The following SIGLEC8 variants were observed in gnomAD, a reference collection of about 807,000 sequenced individuals.
SIGLEC8 encodes the protein sialic acid-binding Ig-like lectin 8.
SIGLEC8 carries 32 observed loss-of-function variants against 42.1 expected under a neutral mutation model. The observed-to-expected ratio is 0.76, with a 90% confidence interval of 0.57 to 1.02. The LOEUF (loss-of-function observed/expected upper bound fraction) is 1.02. SIGLEC8 is among the 50% of genes least tolerant of loss of function. The probability of loss-of-function intolerance (pLI) is 0.00; values close to 1 mark genes in which losing one functional copy is unlikely to be tolerated. For synonymous variants in SIGLEC8, 262 were observed against 260.3 expected (o/e 1.01, Z -0.06); for missense variants, 611 against 610.2 (o/e 1.00, Z -0.01).
At chr19:51,457,889 C>T in intron 1 of SIGLEC8, 45 bp downstream of exon 1, 1 of 1,596,782 alleles carries the variant, frequency 6.3e-7, no homozygotes, top group Non-Finnish European at 8.6e-7. Context: ...CCTTTCAGCC[C>T]CTCATGACCT....
In SIGLEC8 at chr19:51,455,589, T is replaced by A. The variant is rs568780682; in HGVS notation, c.880A>T (p.Ser294Cys). The change falls in exon 4 of 7, where the codon AGC becomes TGC. Residue 294 changes from serine (S) to cysteine (C), a missense_variant. By Grantham distance (112) the Ser-to-Cys change is moderately radical. Coordinates refer to ENST00000321424, the MANE Select transcript of SIGLEC8 (RefSeq NM_014442.3). ...AVNSNPPARL[S>C]WTRGSLTLCP... is the part of the protein sequence containing the mutation. ...AGGGTCAGGCTCCCCCGGGTCCAGC[T>A]CAGCCTGGCAGGGGGATTGCTGTTG... The A allele has an allele frequency of 6.2e-7, 1 of 1,614,118 alleles. No homozygotes were observed. The highest frequency in any genetic ancestry group is 1.1e-5 in the South Asian group (1 of 91,072).
chr19:51,456,962 G>A (rs139828346), intron 3 of SIGLEC8, among the ~76,000 whole-genome samples: 10 of 152,284 alleles, frequency 6.6e-5, no homozygotes, highest in African/African-American at 2.2e-4. Flanking sequence ...CTTGCTGTGG[G>A]GCCAAGGAAG....
chr19:51,452,600 G>A lies in SIGLEC8; in HGVS notation c.1279C>T (p.Pro427Ser). Residue 427 changes from proline to serine, a missense_variant, in exon 7 of 7, where the codon CCC becomes TCC. Physicochemically the swap from Pro to Ser is moderately conservative, Grantham distance 74. Coordinates refer to ENST00000321424, the MANE Select transcript of SIGLEC8 (RefSeq NM_014442.3). The stretch of plus-strand genomic sequence containing the variant: ...ACAGCTGGGGGAGGCTTCTTCAGGG[G>A]GTTGCCATCTTTCCAGGATTCAGTC... ...PLTESWKDGN[P>S]LKKPPPAVAP... The A allele has an allele frequency of 6.4e-7, 1 of 1,558,380 alleles. No homozygotes were observed. Among genetic ancestry groups the A allele is most frequent in the Non-Finnish European group, 8.7e-7 (1 of 1,147,842 alleles).
In SIGLEC8 at chr19:51,452,481, A is replaced by G; in HGVS notation, c.1398T>C (p.Thr466=). The change falls in exon 7 of 7, where the codon ACT becomes ACC. Residue 466 remains threonine, a synonymous_variant. Transcript: ENST00000321424. The stretch of plus-strand genomic sequence containing the variant: ...TCTTGATCTCCGAGTATTCACTGTC[A>G]GTGGCCTCCTGTCCCTGCGGGTCCT... The part of the protein sequence containing the change: ...KPQDPQGQEA[T]DSEYSEIKIH... The G allele has an allele frequency of 6.2e-7, 1 of 1,612,508 alleles. No individual in the cohort carries two copies. Among genetic ancestry groups the G allele is most frequent in the Non-Finnish European group, 8.5e-7 (1 of 1,178,640 alleles).
chr19:51,454,556 C>A lies in SIGLEC8; in HGVS notation c.1148+128G>T. 9.9e-7 allele frequency: 1 copy of A among 1,007,902 alleles called. No homozygotes were observed. Among genetic ancestry groups the A allele is most frequent in the Non-Finnish European group, 1.5e-6 (1 of 663,946 alleles). The allele number at this position is 1,007,902 out of a possible 1,614,324, so 62.4% of individuals were successfully genotyped here. The stretch of plus-strand genomic sequence containing the variant: ...GGACGCTCGTGAAATGCTCACCGTG[C>A]ACCCGTGAGCTCATTCTTGCCCCAA... On this transcript the variant is annotated intron_variant, in intron 5 of 6. Transcript: ENST00000321424. This position sits in a 1 kb window ranked among gnomAD's most constrained non-coding sequence, Gnocchi z 4.7.
Position 51,457,720 on chromosome 19 carries a change from G to T in SIGLEC8, c.474C>A (p.Asp158Glu), listed in dbSNP as rs1989531916. The T allele has an allele frequency of 3.1e-6, 5 of 1,588,326 alleles. No homozygotes were observed. The South Asian group carries it at 5.8e-5, about 18-fold the overall frequency. Residue 158 changes from aspartate to glutamate, a missense_variant, in exon 2 of 7, where the codon GAC becomes GAA. Physicochemically the swap from Asp to Glu is conservative, Grantham distance 45. Coordinates refer to ENST00000321424, the MANE Select transcript of SIGLEC8 (RefSeq NM_014442.3). Reference sequence around the variant, plus strand: ...ACTCTAGGGTCCCTAGGATGAGGATGTCAGGCCTATGGGTCAGGGCTGGTG... The same window carrying T: ...ACTCTAGGGTCCCTAGGATGAGGATTTCAGGCCTATGGGTCAGGGCTGGTG... ...VFVTALTHRP[D>E]ILILGTLESG...
At position 51,457,535 on chromosome 19, in the gene SIGLEC8, G is replaced by A. The variant is rs1989524013; in HGVS notation, c.659C>T (p.Thr220Ile). The A allele has an allele frequency of 6.2e-7, 1 of 1,613,942 alleles. No homozygotes were observed. The highest frequency in any genetic ancestry group is 1.7e-5 in the Admixed American group (1 of 60,014). The stretch of plus-strand genomic sequence containing the variant: ...CAAGGTCACCTGACAGGTGAGGCTG[G>A]TGCCGTGGTCCTGGGGCTTTGGGGT... ...TLTPKPQDHG[T>I]SLTCQVTLPG... Residue 220 changes from threonine to isoleucine, a missense_variant, in exon 2 of 7, where the codon ACC becomes ATC. Physicochemically the swap from Thr to Ile is moderately conservative, Grantham distance 89 (BLOSUM62 -1). Coordinates refer to ENST00000321424, the MANE Select transcript of SIGLEC8 (RefSeq NM_014442.3).
chr19:51,455,663 G>A lies in SIGLEC8; in HGVS notation c.806C>T (p.Ser269Leu), dbSNP rs1355748357. The A allele has an allele frequency of 1.2e-6, 2 of 1,613,938 alleles. No individual in the cohort carries two copies. The highest frequency in any genetic ancestry group is 1.7e-6 in the Non-Finnish European group (2 of 1,179,978). ...CTGGCCCTCAAGGACTGAAAGAGAT[G>A]AGCCATTTCCCAGGGCTGTGGATGC... ...ATASTALGNG[S>L]SLSVLEGQSL... is the part of the protein sequence containing the mutation. Residue 269 changes from serine (S) to leucine (L), a missense_variant, in exon 4 of 7, where the codon TCA (serine) becomes TTA (leucine). Coordinates refer to ENST00000321424, the MANE Select transcript of SIGLEC8 (RefSeq NM_014442.3).
At position 51,451,571 on chromosome 19, in the gene SIGLEC8, TCAGAATCGGACAGGCTTTAAATTC is replaced by T. The variant is rs1226914663; in HGVS notation, c.*784_*807del. ...TCAGTGCTAGATGAGAGAAGAGACCTCAGAATCGGACAGGCTTTAAATTCCAGCCCTGTCCTGAGTAGCCGAGTG... is the reference window on the plus strand; with the variant it reads ...TCAGTGCTAGATGAGAGAAGAGACCTCAGCCCTGTCCTGAGTAGCCGAGTG... On this transcript the variant is annotated 3_prime_UTR_variant, in exon 7 of 7. Transcript: ENST00000321424. 6.6e-6 allele frequency: 1 copy of T among 152,070 alleles called. No homozygotes were observed. The highest frequency in any genetic ancestry group is 2.4e-5 in the African/African-American group (1 of 41,402). The allele number at this position is 152,070 out of a possible 1,614,324, so 9.4% of individuals were successfully genotyped here.
intron 3 of SIGLEC8, among the ~76,000 whole-genome samples, 193 bp from the exon 4 acceptor site, chr19:51,455,880 G>C (rs1599929188): frequency 6.6e-6 from 1 of 152,158 alleles, no homozygotes; most frequent in Non-Finnish European, 1.5e-5. Context: ...ATACACCATG[G>C]AATACTATGC....
chr19:51,457,913 G>C, intron 1 of SIGLEC8, 21 bp downstream of exon 1: 1 of 1,611,352 alleles, frequency 6.2e-7, no homozygotes. Context: ...CCTGTGGCCT[G>C]TGCTGGAGCC....
In SIGLEC8 at chr19:51,457,641, TC is replaced by T; in HGVS notation, c.552del (p.Thr185HisfsTer4). On this transcript the variant is annotated frameshift_variant, in exon 2 of 7. Transcript: ENST00000321424. LOFTEE classifies it high-confidence loss of function. ...TCSVPWACKQ[G>X]TPPMISWIGA... ...CCAATCCAGGAGATCATGGGGGGTG[TC>T]CCCTGCTTACAGGCCCAGGGCACAG... 6.2e-7 allele frequency: 1 copy of T among 1,611,426 alleles called. No individual in the cohort carries two copies.
At chr19:51,453,870 G>A (rs191243156) in intron 6 of SIGLEC8, 47 of 985,238 alleles carry the variant, frequency 4.8e-5, no homozygotes, top group African/African-American at 4.4e-4. Context: ...ATCAGGTCCC[G>A]CCAATAGGAA....
At chr19:51,455,151 A>G (rs1989458394) in intron 4 of SIGLEC8, among the ~76,000 whole-genome samples, 1 of 152,196 alleles carries the variant, frequency 6.6e-6, no homozygotes, top group Non-Finnish European at 1.5e-5. Flanking sequence ...TCCTAGTCTA[A>G]GCACTGCAAA....
chr19:51,457,058 G>C, intron 3 of SIGLEC8, 126 bp downstream of exon 3: 1 of 876,186 alleles, frequency 1.1e-6, no homozygotes, highest in Admixed American at 1.7e-5. Context: ...GTGGGCTCTT[G>C]TGCCCTGGGC....
In SIGLEC8 at chr19:51,452,413, T is replaced by G; in HGVS notation, c.1466A>C (p.Asn489Thr). 6.2e-7 allele frequency: 1 copy of G among 1,608,648 alleles called. No homozygotes were observed. The highest frequency in any genetic ancestry group is 8.5e-7 in the Non-Finnish European group (1 of 1,175,410). ...GACTTCTTTGCTGGAGGGGTTGTGA[T>G]TCCTCAAACAGGCCTGAGTCTCTGC... ...ETAETQACLR[N>T]HNPSSKEVRG The change falls in exon 7 of 7, where the codon AAT becomes ACT. Residue 489 changes from asparagine to threonine, a missense_variant. Asn to Thr is a moderately conservative substitution (Grantham distance 65, BLOSUM62 0). Coordinates refer to ENST00000321424, the MANE Select transcript of SIGLEC8 (RefSeq NM_014442.3).
intron 6 of SIGLEC8, chr19:51,453,819 T>C: frequency 1.0e-6 from 1 of 984,934 alleles, no homozygotes; most frequent in Non-Finnish European, 1.2e-6. Flanking sequence ...CTGGGGAAGC[T>C]CACAGGTTAG....
At chr19:51,453,532 T>C (rs1374332156) in intron 6 of SIGLEC8, 1 of 441,764 alleles carries the variant, frequency 2.3e-6, no homozygotes, top group East Asian at 1.6e-4. Flanking sequence ...CCGTCTCTAC[T>C]AAAAATACAA....
chr19:51,457,299 G>T, intron 2 of SIGLEC8, 68 bp from the exon 3 acceptor site: 3 of 1,534,178 alleles, frequency 2.0e-6, no homozygotes, highest in South Asian at 1.2e-5. Flanking sequence ...GTCTTCCCAG[G>T]AGCTGCAAAT....
Sources: gnomAD v4.1 joint callset for allele counts (sites outside exome capture counted in the v4.1 genomes callset) on GRCh38, gnomAD v4.1.1 for gene constraint, Gnocchi (gnomAD v3.1) non-coding constraint, MANE v1.5 for transcripts, NCBI Gene and HGNC (gene_info 2026-07-23, HGNC 2026-07-21) for gene names.